PARG: variants seen among roughly 807,000 people sequenced by gnomAD.
PARG encodes poly(ADP-ribose) glycohydrolase.
Under a neutral mutation model 113.0 loss-of-function variants are expected in PARG, and 35 were observed. The observed-to-expected ratio is 0.31, with a 90% CI of 0.24 to 0.41. The LOEUF is 0.41. Among genes scored for constraint, PARG ranks in the 10% least tolerant of loss-of-function variants. The pLI is 1.00. For missense variants in PARG, 797 were observed against 1,169.4 expected, an observed-to-expected ratio of 0.68 and a Z score of 4.64; for synonymous variants, 330 against 409.9, an observed-to-expected ratio of 0.81 and a Z score of 2.36.
At position 49,928,430 on chromosome 10, in the gene PARG, G is replaced by T. The variant is rs554327408; in HGVS notation, c.1455+3670C>A. Among the ~76,000 whole-genome samples the T allele has an allele frequency of 1.1e-4, 17 of 152,318 alleles. No homozygotes were observed. The South Asian group carries it at 3.5e-3, about 32-fold the overall frequency. On this transcript the variant is annotated intron_variant, in intron 4 of 17. Transcript: ENST00000616448. ...AGCTTCACAAAAGGGGAACATACAT[G>T]TAATATGCTTTGTGTGTGGCTCTGT...
chr10:49,824,754 C>T (rs1216385564), intron 16 of PARG, among the ~76,000 whole-genome samples: 1 of 152,136 alleles, frequency 6.6e-6, no homozygotes, highest in East Asian at 1.9e-4. Flanking sequence ...CTTACAAAAA[C>T]TCAACAAGAG....
chr10:49,927,282 G>A (rs1413950822), intron 4 of PARG, among the ~76,000 whole-genome samples: 38 of 150,656 alleles, frequency 2.5e-4, no homozygotes, highest in Admixed American at 2.4e-3. Flanking sequence ...ACTCCAGCCT[G>A]GCGACAGAGC....
At chr10:49,883,673 C>T (rs1318181680) in intron 8 of PARG, among the ~76,000 whole-genome samples, 1 of 151,988 alleles carries the variant, frequency 6.6e-6, no homozygotes, top group African/African-American at 2.4e-5. Flanking sequence ...TAGTGGCACA[C>T]GCCTGTAGTC....
intron 16 of PARG, among the ~76,000 whole-genome samples, chr10:49,826,103 G>C (rs529441345): frequency 6.6e-6 from 1 of 152,332 alleles, no homozygotes; most frequent in East Asian, 1.9e-4. Context: ...TGGATTTTCA[G>C]ATGTGGGATA....
intron 16 of PARG, among the ~76,000 whole-genome samples, chr10:49,823,391 A>G (rs1844201270): frequency 6.6e-6 from 1 of 152,216 alleles, no homozygotes; most frequent in South Asian, 2.1e-4. Flanking sequence ...GAAAGAATCT[A>G]TGACATAATA....
chr10:49,843,730 C>A, intron 13 of PARG, 98 bp from the exon 14 acceptor site: 1 of 772,998 alleles, frequency 1.3e-6, no homozygotes. Context: ...TAGCACTGTA[C>A]TGAAGGTCTC....
chr10:49,907,612 T>A (rs1258939296), intron 7 of PARG, among the ~76,000 whole-genome samples: 1 of 152,190 alleles, frequency 6.6e-6, no homozygotes. Context: ...CCTTCCAGGG[T>A]TAAATATGAA....
intron 6 of PARG, among the ~76,000 whole-genome samples, chr10:49,917,214 G>T (rs1837528528): frequency 6.6e-6 from 1 of 152,160 alleles, no homozygotes; most frequent in Non-Finnish European, 1.5e-5. Flanking sequence ...TTTTAGGCTG[G>T]ACGCAGTGGC....
chr10:49,852,229 A>G (rs1845791142), intron 13 of PARG, among the ~76,000 whole-genome samples: 1 of 152,178 alleles, frequency 6.6e-6, no homozygotes, highest in Non-Finnish European at 1.5e-5. Flanking sequence ...ACAGATATTA[A>G]TTAGGAGGCA....
At chr10:49,898,903 C>T (rs1848224917) in intron 7 of PARG, among the ~76,000 whole-genome samples, 1 of 152,084 alleles carries the variant, frequency 6.6e-6, no homozygotes, top group Non-Finnish European at 1.5e-5. Context: ...TTTCACAAGA[C>T]ACTTAAGACT....
At chr10:49,893,410 T>C (rs1847909446) in intron 7 of PARG, among the ~76,000 whole-genome samples, 2 of 152,338 alleles carry the variant, frequency 1.3e-5, no homozygotes, top group South Asian at 4.1e-4. Context: ...TCTAGCGAGG[T>C]TGGCTGTCTT....
In PARG at chr10:49,885,274, G is replaced by A. The variant is rs782343963; in HGVS notation, c.1759C>T (p.Gln587Ter). The A allele has an allele frequency of 6.2e-7, 1 of 1,608,618 alleles. No individual in the cohort carries two copies. Among genetic ancestry groups the A allele is most frequent in the South Asian group, 1.1e-5 (1 of 90,912 alleles). Residue 587 changes from glutamine (Q) to a stop codon, truncating the protein, a stop_gained, in exon 8 of 18, where the codon CAA becomes TAA. Coordinates refer to ENST00000616448, the MANE Select transcript of PARG (RefSeq NM_003631.5). LOFTEE classifies it high-confidence loss of function. ...WDKVLEEAEA[Q>*]HLYQSILPDM... is the part of the protein sequence containing the mutation. Reference sequence around the variant, plus strand: ...GGCAAGATGGACTGATATAAATGTTGAGCTTCTGCTTCTTCAAGTACCTGA... The same window carrying A: ...GGCAAGATGGACTGATATAAATGTTAAGCTTCTGCTTCTTCAAGTACCTGA...
chr10:49,924,600 A>G (rs1246797711), intron 4 of PARG, among the ~76,000 whole-genome samples: 1 of 149,448 alleles, frequency 6.7e-6, no homozygotes, highest in Non-Finnish European at 1.5e-5. Flanking sequence ...AACCCCATAC[A>G]CTAGTTCAGG....
intron 15 of PARG, among the ~76,000 whole-genome samples, chr10:49,839,153 A>G (rs563226614): frequency 2.6e-5 from 4 of 152,202 alleles, no homozygotes; most frequent in African/African-American, 9.6e-5. Flanking sequence ...ACTGGCCAAC[A>G]TGATGAAACT....
In PARG at chr10:49,941,874, C is replaced by T; in HGVS notation, c.-149G>A. 7.1e-7 allele frequency: 1 copy of T among 1,407,764 alleles called. No homozygotes were observed. The allele number at this position is 1,407,764 out of a possible 1,614,324, so 87.2% of individuals were successfully genotyped here. Reference sequence around the variant, plus strand: ...GCCTGCTTCTGCAATTGCTGATCCGCCGGCCTCCCAAGTCAGGCCGTAAAC... The same window carrying T: ...GCCTGCTTCTGCAATTGCTGATCCGTCGGCCTCCCAAGTCAGGCCGTAAAC... On this transcript the variant is annotated 5_prime_UTR_variant, in exon 1 of 18. Coordinates refer to ENST00000616448, the MANE Select transcript of PARG (RefSeq NM_003631.5).
intron 4 of PARG, among the ~76,000 whole-genome samples, chr10:49,931,341 A>C (rs1311199176): frequency 2.6e-5 from 4 of 152,128 alleles, no homozygotes; most frequent in Non-Finnish European, 5.9e-5. Context: ...CTAACAAAAT[A>C]GCCACAAGAT....
intron 12 of PARG, among the ~76,000 whole-genome samples, chr10:49,861,094 T>TA (rs1305226872): frequency 6.6e-6 from 1 of 152,170 alleles, no homozygotes; most frequent in Non-Finnish European, 1.5e-5. Context: ...GTGAAACTGT[T>TA]ACATATGAGA....
intron 3 of PARG, 93 bp from the exon 4 acceptor site, chr10:49,932,376 T>G (rs1258705590): frequency 1.4e-5 from 11 of 774,784 alleles, no homozygotes; most frequent in East Asian, 9.8e-5. Flanking sequence ...ACGTTATTGT[T>G]TAAAGTATGC....
chr10:49,888,198 T>G (rs1255537742), intron 7 of PARG, among the ~76,000 whole-genome samples: 1 of 152,046 alleles, frequency 6.6e-6, no homozygotes, highest in Admixed American at 6.5e-5. Flanking sequence ...TTCCTCTACA[T>G]ACATTGATAA....
Sources: gnomAD v4.1 joint callset for allele counts (sites outside exome capture counted in the v4.1 genomes callset) on GRCh38, gnomAD v4.1.1 for gene constraint, MANE v1.5 for transcripts, NCBI Gene and HGNC (gene_info 2026-07-23, HGNC 2026-07-21) for gene names.